Variants in FLOT1 observed in about 807,000 individuals in gnomAD.
FLOT1 encodes the protein flotillin-1.
FLOT1 carries 40 observed loss-of-function variants against 58.4 expected under a neutral mutation model. The ratio of observed to expected loss-of-function variants is 0.69; its 90% CI spans 0.53 to 0.89. The LOEUF (loss-of-function observed/expected upper bound fraction) is 0.89. FLOT1 is among the 40% of genes least tolerant of loss of function. FLOT1 has a pLI of 0.00. For synonymous variants in FLOT1, 178 were observed against 204.2 expected, an observed-to-expected ratio of 0.87 and a Z score of 1.09; for missense variants, 423 against 540.8, an observed-to-expected ratio of 0.78 and a Z score of 2.16.
At chr6:30,739,664 G>A (rs1217721082) in intron 8 of FLOT1, among the ~76,000 whole-genome samples, 4 of 149,630 alleles carry the variant, frequency 2.7e-5, no homozygotes, top group Non-Finnish European at 5.9e-5. Context: ...CACCGCGCGT[G>A]GCCTTTTTTT....
At position 30,737,271 on chromosome 6, in the gene FLOT1, T is replaced by TCCATCCATCCATCC. The variant is rs879284208; in HGVS notation, c.723+2886_723+2887insGGATGGATGGATGG. Among the ~76,000 whole-genome samples the TCCATCCATCCATCC allele has an allele frequency of 7.3e-5, 11 of 151,608 alleles. No homozygotes were observed. Among genetic ancestry groups the TCCATCCATCCATCC allele is most frequent in the African/African-American group, 2.2e-4 (9 of 41,166 alleles). On this transcript the variant is annotated intron_variant, in intron 8 of 12. Transcript: ENST00000376389. This position sits in a 1 kb window ranked among gnomAD's most constrained non-coding sequence, Gnocchi z 4.4. ...GTCCATCCGTCCATCCATCCATCCA[T>TCCATCCATCCATCC]ATATCTATCTTAGAAGGAGTCTCGC... is the stretch of plus-strand genomic sequence containing the variant.
In FLOT1 at chr6:30,742,570, G is replaced by A. The variant is rs370574216; in HGVS notation, c.-58C>T. ...CAGCCCGGCTGGGGTCTCGGGAAGG[G>A]CGGGGTCGCGCAGGGACCTGGGAGC... is the stretch of plus-strand genomic sequence containing the variant. On this transcript the variant is annotated 5_prime_UTR_variant, in exon 1 of 13. Coordinates refer to ENST00000376389, the MANE Select transcript of FLOT1 (RefSeq NM_005803.4). The surrounding 1 kb of genome is among the most constrained non-coding windows in gnomAD (Gnocchi z 5.2). 1.7e-4 allele frequency: 47 copies of A among 268,586 alleles called. 4 individuals are homozygous for A. Among genetic ancestry groups the A allele is most frequent in the East Asian group, 8.2e-4 (9 of 10,984 alleles). 16.6% of individuals were successfully genotyped at this position (268,586 alleles called of 1,614,324 possible).
intron 12 of FLOT1, among the ~76,000 whole-genome samples, chr6:30,729,245 T>C (rs1378210913): frequency 6.6e-6 from 1 of 151,732 alleles, no homozygotes; most frequent in Non-Finnish European, 1.5e-5. Flanking sequence ...TGGCTAATTT[T>C]TTTTTGTATT....
In FLOT1 at chr6:30,739,587, C is replaced by A. The variant is rs148394751; in HGVS notation, c.723+571G>T. ...GTTTCACTATGTTGGCCAGGCTAGT[C>A]TCGAACTCTTGACCTTGTGATCCAC... On this transcript the variant is annotated intron_variant, in intron 8 of 12. Coordinates refer to ENST00000376389, the MANE Select transcript of FLOT1 (RefSeq NM_005803.4). Among the ~76,000 whole-genome samples, 37 of 152,254 alleles carry A rather than the reference C, an allele frequency of 2.4e-4. 1 individual carries two copies. The South Asian group carries it at 6.0e-3, about 25-fold the overall frequency.
intron 8 of FLOT1, among the ~76,000 whole-genome samples, chr6:30,738,690 G>A (rs996848410): frequency 3.3e-5 from 5 of 152,166 alleles, no homozygotes; most frequent in African/African-American, 1.2e-4. Context: ...ACTTATGCAT[G>A]AACGAAGCTT....
In FLOT1 at chr6:30,737,342, T is replaced by C. The variant is rs899442591; in HGVS notation, c.723+2816A>G. 1.3e-5 allele frequency among the ~76,000 whole-genome samples: 2 copies of C among 152,034 alleles called. No individual in the cohort carries two copies. Among genetic ancestry groups the C allele is most frequent in the Non-Finnish European group, 1.5e-5 (1 of 67,990 alleles). On this transcript the variant is annotated intron_variant, in intron 8 of 12. Transcript: ENST00000376389. The surrounding 1 kb of genome is among the most constrained non-coding windows in gnomAD (Gnocchi z 4.4). Reference sequence around the variant, plus strand: ...GCGGTGGCGCAATCTCGGCTCACTGTGCCTTCTGGATTCAAGCGATTCTCA... The same window carrying C: ...GCGGTGGCGCAATCTCGGCTCACTGCGCCTTCTGGATTCAAGCGATTCTCA...
At chr6:30,738,689 T>G (rs1345274723) in intron 8 of FLOT1, among the ~76,000 whole-genome samples, 4 of 152,206 alleles carry the variant, frequency 2.6e-5, no homozygotes, top group Admixed American at 2.6e-4. Context: ...AACTTATGCA[T>G]GAACGAAGCT....
In FLOT1 at chr6:30,730,734, A is replaced by T; in HGVS notation, c.906-7T>A. ...CTGCATAATTAGTTGGGACCTGTGG[A>T]CAGAAGGGAAGTGGAGGGTGGAGCC... On this transcript the variant is annotated splice_region_variant and splice_polypyrimidine_tract_variant and intron_variant, in intron 9 of 12. Coordinates refer to ENST00000376389, the MANE Select transcript of FLOT1 (RefSeq NM_005803.4). 6.2e-7 allele frequency: 1 copy of T among 1,613,146 alleles called. No individual in the cohort carries two copies. Among genetic ancestry groups the T allele is most frequent in the Non-Finnish European group, 8.5e-7 (1 of 1,180,030 alleles).
chr6:30,729,641 G>C (rs1777006347), intron 12 of FLOT1, among the ~76,000 whole-genome samples: 1 of 152,106 alleles, frequency 6.6e-6, no homozygotes, highest in Non-Finnish European at 1.5e-5. Flanking sequence ...GAATTAACTG[G>C]GGCGCTGAGA....
In FLOT1 at chr6:30,730,152, G is replaced by A. The variant is rs1321455499; in HGVS notation, c.1124C>T (p.Ala375Val). 2 of 1,612,952 alleles carry A rather than the reference G, an allele frequency of 1.2e-6. No individual in the cohort carries two copies. Among genetic ancestry groups the A allele is most frequent in the South Asian group, 1.1e-5 (1 of 91,088 alleles). ...GCTGGACACCAGTGTGATCTTATTG[G>A]CTGAAGTCAAGGGACCACTGATCTC... ...AEEISGPLTS[A>V]NKITLVSSGS... The change falls in exon 12 of 13, where the codon GCC becomes GTC. Residue 375 changes from alanine to valine, a missense_variant. Transcript: ENST00000376389.
chr6:30,737,245 C>CATCCATCT lies in FLOT1; in HGVS notation c.723+2912_723+2913insAGATGGAT, dbSNP rs59577202. Among the ~76,000 whole-genome samples the CATCCATCT allele has an allele frequency of 6.6e-6, 1 of 151,306 alleles. No individual in the cohort carries two copies. Among genetic ancestry groups the CATCCATCT allele is most frequent in the East Asian group, 1.9e-4 (1 of 5,132 alleles). On this transcript the variant is annotated intron_variant, in intron 8 of 12. Transcript: ENST00000376389. The surrounding 1 kb of genome is among the most constrained non-coding windows in gnomAD (Gnocchi z 4.4). ...CCGTCCGTCCGTCCGTCCGTCCGTC[C>CATCCATCT]GTCCATCCGTCCATCCATCCATCCA...
chr6:30,733,201 A>G (rs1194740138), intron 8 of FLOT1, among the ~76,000 whole-genome samples: 1 of 151,692 alleles, frequency 6.6e-6, no homozygotes, highest in African/African-American at 2.4e-5. Context: ...ACGCTCAGCT[A>G]ATTTTTGTGT....
chr6:30,739,837 T>A (rs954361489), intron 8 of FLOT1, among the ~76,000 whole-genome samples: 8 of 151,962 alleles, frequency 5.3e-5, no homozygotes, highest in African/African-American at 1.9e-4. Flanking sequence ...AATGTTTGTA[T>A]TTTTCGCATA....
At chr6:30,732,788 T>C (rs866544812) in intron 8 of FLOT1, among the ~76,000 whole-genome samples, 4 of 152,172 alleles carry the variant, frequency 2.6e-5, no homozygotes, top group South Asian at 2.1e-4. Flanking sequence ...GAGAGAAGCA[T>C]AGCTCTGGAG....
intron 8 of FLOT1, among the ~76,000 whole-genome samples, chr6:30,734,993 A>T (rs986708785): frequency 8.5e-5 from 13 of 152,228 alleles, no homozygotes; most frequent in Non-Finnish European, 1.9e-4. Context: ...AGCTCTGAGT[A>T]TGTGGGTGAG....
At position 30,742,264 on chromosome 6, in the gene FLOT1, G is replaced by C; in HGVS notation, c.-14-61C>G. 6.9e-7 allele frequency: 1 copy of C among 1,438,952 alleles called. No homozygotes were observed. Among genetic ancestry groups the C allele is most frequent in the Admixed American group, 1.7e-5 (1 of 59,702 alleles). 89.1% of individuals were successfully genotyped at this position (1,438,952 alleles called of 1,614,324 possible). ...GAAGGCGCGCTGTGGCGTCCACAGG[G>C]GCCCATCCTTTCCCTTTCCCGTCAG... is the stretch of plus-strand genomic sequence containing the variant. On this transcript the variant is annotated intron_variant, in intron 1 of 12. Coordinates refer to ENST00000376389, the MANE Select transcript of FLOT1 (RefSeq NM_005803.4). This position sits in a 1 kb window ranked among gnomAD's most constrained non-coding sequence, Gnocchi z 5.2.
Position 30,742,167 on chromosome 6 carries a change from T to A in FLOT1, c.23A>T (p.Asn8Ile). 1 of 1,612,820 alleles carries A rather than the reference T, an allele frequency of 6.2e-7. No individual in the cohort carries two copies. Among genetic ancestry groups the A allele is most frequent in the Non-Finnish European group, 8.5e-7 (1 of 1,179,958 alleles). MFFTCGPNEAMVVSGFCR... is the reference protein window; with the variant it reads MFFTCGPIEAMVVSGFCR... ...CTTACCGGAGACCACCATGGCCTCATTTGGGCCACAAGTGAAAAACATGGT... is the reference window on the plus strand; with the variant it reads ...CTTACCGGAGACCACCATGGCCTCAATTGGGCCACAAGTGAAAAACATGGT... Residue 8 changes from asparagine to isoleucine, a missense_variant, in exon 2 of 13, where the codon AAT (asparagine) becomes ATT (isoleucine). Asn to Ile is a moderately radical substitution (Grantham distance 149). Around this residue, in one of 6 missense-constraint regions of FLOT1, gnomAD observed 91 missense variants for 118.3 expected, o/e 0.77. Coordinates refer to ENST00000376389, the MANE Select transcript of FLOT1 (RefSeq NM_005803.4). This position sits in a 1 kb window ranked among gnomAD's most constrained non-coding sequence, Gnocchi z 5.2.
chr6:30,737,224 CCG>C lies in FLOT1; in HGVS notation c.723+2932_723+2933del, dbSNP rs2127774648. On this transcript the variant is annotated intron_variant, in intron 8 of 12. Transcript: ENST00000376389. The surrounding 1 kb of genome is among the most constrained non-coding windows in gnomAD (Gnocchi z 4.4). ...GACTGTCTGTCGTCCGTCCGTCCGT[CCG>C]TCCGTCCGTCCGTCCGTCCGTCCAT... 7.2e-6 allele frequency among the ~76,000 whole-genome samples: 1 copy of C among 138,168 alleles called. No homozygotes were observed. The highest frequency in any genetic ancestry group is 2.3e-4 in the South Asian group (1 of 4,286). The allele number at this position is 138,168 out of a possible 152,430, so 90.6% of individuals were successfully genotyped here.
rs903312158 is a variant in FLOT1, at chr6:30,737,899, T to C, written c.723+2259A>G. 6.6e-6 allele frequency among the ~76,000 whole-genome samples: 1 copy of C among 152,204 alleles called. No homozygotes were observed. Among genetic ancestry groups the C allele is most frequent in the African/African-American group, 2.4e-5 (1 of 41,458 alleles). On this transcript the variant is annotated intron_variant, in intron 8 of 12. Transcript: ENST00000376389. This position sits in a 1 kb window ranked among gnomAD's most constrained non-coding sequence, Gnocchi z 4.4. The stretch of plus-strand genomic sequence containing the variant: ...CACCTCCAAAATGGTGTCTAGCACA[T>C]AGAAGGCACTTAACAGATATTTGTT...
Sources: allele counts gnomAD v4.1 joint callset (sites outside exome capture counted in the v4.1 genomes callset), GRCh38; gene constraint gnomAD v4.1.1; regional missense constraint gnomAD v4.1.1; non-coding constraint Gnocchi (gnomAD v3.1); transcripts MANE v1.5; gene names NCBI Gene and HGNC (gene_info 2026-07-23, HGNC 2026-07-21).